PCDH7: variants seen among roughly 807,000 people sequenced by gnomAD.
PCDH7 encodes protocadherin-7.
Under a neutral mutation model 58.9 loss-of-function variants are expected in PCDH7, and 17 were observed. The observed-to-expected ratio is 0.29, with a 90% CI of 0.20 to 0.43. PCDH7 has a LOEUF of 0.43. PCDH7 is among the 20% of genes least tolerant of loss of function. PCDH7 has a pLI of 1.00. For synonymous variants in PCDH7, 664 were observed against 616.4 expected, an observed-to-expected ratio of 1.08 and a Z score of -1.14; for missense variants, 1,274 against 1,441.0, an observed-to-expected ratio of 0.88 and a Z score of 1.88.
At chr4:30,952,396 G>T (rs555513417) in intron 3 of PCDH7, among the ~76,000 whole-genome samples, 21 of 151,784 alleles carry the variant, frequency 1.4e-4, no homozygotes, top group African/African-American at 4.1e-4. Context: ...TAGGAAAACA[G>T]TTGTATCAAT....
At chr4:30,742,584 T>C (rs1717221968) in intron 1 of PCDH7, among the ~76,000 whole-genome samples, 1 of 152,152 alleles carries the variant, frequency 6.6e-6, no homozygotes, top group Non-Finnish European at 1.5e-5. Flanking sequence ...ATGAGAGTGA[T>C]TTGTGTGAAG....
At chr4:30,964,433 G>T (rs1748800636) in intron 3 of PCDH7, among the ~76,000 whole-genome samples, 1 of 151,748 alleles carries the variant, frequency 6.6e-6, no homozygotes, top group African/African-American at 2.4e-5. Context: ...AGTAGAGACG[G>T]GGTTTCACCG....
chr4:30,874,845 T>C (rs1395895755), intron 1 of PCDH7, among the ~76,000 whole-genome samples: 2 of 152,058 alleles, frequency 1.3e-5, no homozygotes, highest in African/African-American at 4.8e-5. Flanking sequence ...TTAAAGTATT[T>C]AATATTTACT....
At chr4:31,029,349 A>G (rs1003024870) in intron 3 of PCDH7, among the ~76,000 whole-genome samples, 3 of 152,190 alleles carry the variant, frequency 2.0e-5, no homozygotes, top group Non-Finnish European at 4.4e-5. Flanking sequence ...GGTCTCAAAC[A>G]TCAAAACAGA....
chr4:30,845,280 T>C (rs892345932), intron 1 of PCDH7, among the ~76,000 whole-genome samples: 1 of 152,182 alleles, frequency 6.6e-6, no homozygotes, highest in Non-Finnish European at 1.5e-5. Context: ...AGATGTTGTA[T>C]TTGATGGAAA....
intron 1 of PCDH7, among the ~76,000 whole-genome samples, chr4:30,748,429 A>G (rs79726862): frequency 0.036 from 5,532 of 152,266 alleles, 264 homozygotes; most frequent in East Asian, 0.22. Context: ...TGATACAGGC[A>G]TTTAGAGAGA....
At chr4:30,799,857 C>CTT (rs759901691) in intron 1 of PCDH7, among the ~76,000 whole-genome samples, 6 of 144,406 alleles carry the variant, frequency 4.2e-5, no homozygotes, top group Middle Eastern at 7.4e-3. Context: ...ATGAATATCA[C>CTT]TTTTTTTTTT....
At chr4:31,093,846 G>A (rs1713591294) in intron 3 of PCDH7, among the ~76,000 whole-genome samples, 1 of 151,966 alleles carries the variant, frequency 6.6e-6, no homozygotes, top group African/African-American at 2.4e-5. Flanking sequence ...AAAGCCTACT[G>A]TAAATAAAAT....
chr4:31,098,153 C>G (rs1295410820), intron 3 of PCDH7, among the ~76,000 whole-genome samples: 1 of 152,158 alleles, frequency 6.6e-6, no homozygotes, highest in Non-Finnish European at 1.5e-5. Context: ...CTGCTTCCCC[C>G]ACGCAGGGAT....
chr4:30,969,704 A>T (rs1749383963), intron 3 of PCDH7, among the ~76,000 whole-genome samples: 2 of 152,186 alleles, frequency 1.3e-5, no homozygotes, highest in African/African-American at 4.8e-5. Flanking sequence ...ACGCATTAAA[A>T]TTTGATCTAA....
At chr4:30,933,938 C>A (rs1744999583) in intron 2 of PCDH7, among the ~76,000 whole-genome samples, 1 of 152,180 alleles carries the variant, frequency 6.6e-6, no homozygotes, top group South Asian at 2.1e-4. Flanking sequence ...GCAATCTAAC[C>A]ATACATAATC....
intron 1 of PCDH7, among the ~76,000 whole-genome samples, chr4:30,776,620 G>A (rs775980656): frequency 9.9e-5 from 15 of 152,106 alleles, no homozygotes; most frequent in South Asian, 4.1e-4. Flanking sequence ...TCCTGAGACC[G>A]TTTCTTCAGA....
intron 3 of PCDH7, among the ~76,000 whole-genome samples, chr4:31,097,617 T>TATAGATATAG (rs1300981928): frequency 5.4e-5 from 2 of 37,176 alleles, no homozygotes; most frequent in East Asian, 8.1e-3. Flanking sequence ...TATATATATA[T>TATAGATATAG]ATATATATAT....
intron 3 of PCDH7, among the ~76,000 whole-genome samples, chr4:30,959,201 A>G (rs1001509267): frequency 1.3e-5 from 2 of 151,878 alleles, no homozygotes; most frequent in South Asian, 4.1e-4. Context: ...AAATTTGCTT[A>G]TAAATTGAGG....
At chr4:30,799,840 G>T (rs112666026) in intron 1 of PCDH7, among the ~76,000 whole-genome samples, 28 of 151,202 alleles carry the variant, frequency 1.9e-4, no homozygotes, top group African/African-American at 6.1e-4. Flanking sequence ...TTCTTAATTT[G>T]CTATTTATGA....
chr4:30,831,430 A>C (rs528008345), intron 1 of PCDH7, among the ~76,000 whole-genome samples: 1 of 152,302 alleles, frequency 6.6e-6, no homozygotes, highest in East Asian at 1.9e-4. Flanking sequence ...ACAACTATAC[A>C]TAGGGTAATA....
intron 3 of PCDH7, among the ~76,000 whole-genome samples, chr4:31,116,634 G>T (rs753899415): frequency 1.3e-4 from 20 of 151,910 alleles, no homozygotes; most frequent in Non-Finnish European, 2.6e-4. Flanking sequence ...CTCTCAATAT[G>T]GTCTCAAATG....
At chr4:30,887,513 T>C (rs984499402) in intron 1 of PCDH7, among the ~76,000 whole-genome samples, 1 of 152,188 alleles carries the variant, frequency 6.6e-6, no homozygotes, top group Non-Finnish European at 1.5e-5. Context: ...AATGGAGGGC[T>C]ACAGCAAAAG....
At chr4:30,953,822 T>C (rs1178017658) in intron 3 of PCDH7, among the ~76,000 whole-genome samples, 2 of 152,110 alleles carry the variant, frequency 1.3e-5, no homozygotes, top group Non-Finnish European at 1.5e-5. Flanking sequence ...TTCTAACAAA[T>C]TTCACACTAC....
Sources: gnomAD v4.1 joint callset for allele counts (sites outside exome capture counted in the v4.1 genomes callset) on GRCh38, gnomAD v4.1.1 for gene constraint, MANE v1.5 for transcripts, NCBI Gene and HGNC (gene_info 2026-07-23, HGNC 2026-07-21) for gene names.